BMPER: variants seen among roughly 807,000 people sequenced by gnomAD.
BMPER encodes the protein BMP-binding endothelial regulator protein.
BMPER carries 45 observed loss-of-function variants against 87.3 expected under a neutral mutation model. The ratio of observed to expected loss-of-function variants is 0.52; its 90% CI spans 0.41 to 0.66. BMPER has a LOEUF of 0.66. BMPER is among the 30% of genes least tolerant of loss of function. BMPER has a pLI of 0.00. For synonymous variants in BMPER, 326 were observed against 316.2 expected (o/e 1.03, Z -0.33); for missense variants, 784 against 867.5 (o/e 0.90, Z 1.21).
chr7:33,995,253 G>A (rs1023126322), intron 6 of BMPER, among the ~76,000 whole-genome samples: 1 of 152,032 alleles, frequency 6.6e-6, no homozygotes, highest in African/African-American at 2.4e-5. Context: ...AGACATGTGT[G>A]GTACCTCATA....
Position 34,079,177 on chromosome 7 carries a change from A to T in BMPER, c.1399A>T (p.Thr467Ser). 6.2e-7 allele frequency: 1 copy of T among 1,613,488 alleles called. No homozygotes were observed. Among genetic ancestry groups the T allele is most frequent in the Non-Finnish European group, 8.5e-7 (1 of 1,179,980 alleles). The stretch of plus-strand genomic sequence containing the variant: ...GGATGGCTACCTCTTGAAAGTGACC[A>T]CCAAAGCAGGTGGGGCGTCTGTGGC... ...DLDGYLLKVT[T>S]KAGLEISWDG... is the part of the protein sequence containing the mutation. Residue 467 changes from threonine (T) to serine (S), a missense_variant, in exon 12 of 15, where the codon ACC becomes TCC. Coordinates refer to ENST00000649409, the MANE Select transcript of BMPER (RefSeq NM_001365308.1).
At chr7:34,148,088 G>T (rs1389065649) in intron 14 of BMPER, among the ~76,000 whole-genome samples, 1 of 152,036 alleles carries the variant, frequency 6.6e-6, no homozygotes, top group Non-Finnish European at 1.5e-5. Flanking sequence ...CCTACCAACT[G>T]CCCTCCTCAA....
chr7:34,152,406 A>G (rs1339884137), intron 14 of BMPER, among the ~76,000 whole-genome samples: 5 of 152,126 alleles, frequency 3.3e-5, no homozygotes, highest in African/African-American at 9.7e-5. Context: ...CTAGTCATGA[A>G]TTTTCAGGAT....
chr7:34,061,799 G>A (rs562011180), intron 10 of BMPER, among the ~76,000 whole-genome samples: 1 of 152,160 alleles, frequency 6.6e-6, no homozygotes, highest in Admixed American at 6.5e-5. Flanking sequence ...CTTGCTGAAT[G>A]ACTTTGCCTG....
At chr7:33,977,210 A>G (rs890756774) in intron 6 of BMPER, among the ~76,000 whole-genome samples, 3 of 151,882 alleles carry the variant, frequency 2.0e-5, no homozygotes, top group African/African-American at 4.8e-5. Flanking sequence ...GCTTTTTTGT[A>G]GCTTGTTGGT....
intron 6 of BMPER, among the ~76,000 whole-genome samples, chr7:34,028,549 C>T (rs1787421770): frequency 7.1e-6 from 1 of 140,606 alleles, no homozygotes. Context: ...TATGTGATGG[C>T]ATCAACTAAG....
At chr7:34,013,342 A>C (rs1786932042) in intron 6 of BMPER, among the ~76,000 whole-genome samples, 1 of 151,652 alleles carries the variant, frequency 6.6e-6, no homozygotes, top group Non-Finnish European at 1.5e-5. Flanking sequence ...TATTTCTTGA[A>C]TCTATGGCTC....
chr7:33,999,320 AAAAAAATGGTAAGGTAGCTTTGAATT>A (rs1437676807), intron 6 of BMPER, among the ~76,000 whole-genome samples: 1 of 152,218 alleles, frequency 6.6e-6, no homozygotes, highest in Non-Finnish European at 1.5e-5. Flanking sequence ...CAGCTAGTTT[AAAAAAATGGTAAGGTAGCTTTGAATT>A]AAACCCAACA....
chr7:33,911,249 G>C (rs1392866256), intron 2 of BMPER, among the ~76,000 whole-genome samples: 1 of 152,138 alleles, frequency 6.6e-6, no homozygotes, highest in Non-Finnish European at 1.5e-5. Flanking sequence ...GGATTGTGTC[G>C]GCAAATTCAC....
intron 6 of BMPER, among the ~76,000 whole-genome samples, chr7:33,999,575 T>G (rs1786522232): frequency 6.6e-6 from 1 of 152,256 alleles, no homozygotes; most frequent in Non-Finnish European, 1.5e-5. Context: ...AAAGTATATT[T>G]TGCCTCATAT....
chr7:34,020,450 G>T (rs1397701677), intron 6 of BMPER, among the ~76,000 whole-genome samples: 3 of 151,460 alleles, frequency 2.0e-5, no homozygotes, highest in African/African-American at 7.3e-5. Context: ...AGTATGTGCA[G>T]ATCAGAAATG....
chr7:34,074,561 G>A (rs1029234512), intron 11 of BMPER, among the ~76,000 whole-genome samples: 5 of 152,200 alleles, frequency 3.3e-5, no homozygotes, highest in African/African-American at 1.2e-4. Flanking sequence ...GCATGACACA[G>A]TGATCTCGTG....
chr7:33,921,704 T>C (rs913056646), intron 2 of BMPER: 22 of 470,752 alleles, frequency 4.7e-5, no homozygotes, highest in Non-Finnish European at 9.7e-5. Context: ...ACGCTCTGTT[T>C]CCTGTGGTCT....
At chr7:34,066,026 A>T (rs1287507366) in intron 11 of BMPER, among the ~76,000 whole-genome samples, 3 of 152,202 alleles carry the variant, frequency 2.0e-5, no homozygotes, top group Admixed American at 6.5e-5. Context: ...CAGTAGTGGC[A>T]TTACATTGTC....
chr7:34,052,459 G>T (rs1268392247), intron 8 of BMPER, among the ~76,000 whole-genome samples: 2 of 152,192 alleles, frequency 1.3e-5, no homozygotes, highest in Admixed American at 1.3e-4. Context: ...TTTCTCAAAA[G>T]GCAACCAGAA....
intron 7 of BMPER, among the ~76,000 whole-genome samples, chr7:34,049,589 T>C (rs1788090180): frequency 6.6e-6 from 1 of 152,200 alleles, no homozygotes; most frequent in Non-Finnish European, 1.5e-5. Flanking sequence ...AGCTCAGTCA[T>C]GAAGAAGGTG....
intron 13 of BMPER, among the ~76,000 whole-genome samples, chr7:34,129,536 C>CA (rs201740522): frequency 5.2e-4 from 64 of 122,000 alleles, no homozygotes; most frequent in African/African-American, 1.7e-3. Flanking sequence ...GACGCTGTCT[C>CA]AAAAAAAAAG....
intron 12 of BMPER, among the ~76,000 whole-genome samples, chr7:34,085,505 G>T (rs1789174407): frequency 6.6e-6 from 1 of 152,074 alleles, no homozygotes; most frequent in Admixed American, 6.5e-5. Flanking sequence ...CAAACCAGGG[G>T]TACATAGGAT....
intron 6 of BMPER, among the ~76,000 whole-genome samples, chr7:34,015,775 C>T (rs1038702897): frequency 6.6e-6 from 1 of 151,834 alleles, no homozygotes; most frequent in South Asian, 2.1e-4. Flanking sequence ...AATAATGTGG[C>T]GTATTTCCTG....
Sources: allele counts gnomAD v4.1 joint callset (sites outside exome capture counted in the v4.1 genomes callset), GRCh38; gene constraint gnomAD v4.1.1; transcripts MANE v1.5; gene names NCBI Gene and HGNC (gene_info 2026-07-23, HGNC 2026-07-21).